The following SLC36A1 variants were observed in gnomAD, a reference collection of about 807,000 sequenced individuals.
SLC36A1 encodes the protein proton-coupled amino acid transporter 1.
In SLC36A1, 30 loss-of-function variants were observed where a neutral mutation model predicts 47.5. That is an observed-to-expected ratio of 0.63 (90% CI 0.47 to 0.86). The LOEUF (loss-of-function observed/expected upper bound fraction) is 0.86, where lower values mean the gene tolerates loss of function less well. Among genes scored for constraint, SLC36A1 ranks in the 40% least tolerant of loss-of-function variants. The pLI, the probability that SLC36A1 is intolerant of heterozygous loss-of-function variation, is 0.00. For synonymous variants in SLC36A1, 255 were observed against 249.7 expected (o/e 1.02, Z -0.20); for missense variants, 517 against 606.0 (o/e 0.85, Z 1.54).
the SLC36A1 span, among the ~76,000 whole-genome samples, chr5:151,519,423 G>A: frequency 6.6e-6 from 1 of 152,136 alleles, no homozygotes; most frequent in Admixed American, 6.5e-5. Flanking sequence ...TTATTGGATG[G>A]GATATTGAAG....
chr5:151,397,558 G>C, the SLC36A1 span, among the ~76,000 whole-genome samples: 1 of 151,976 alleles, frequency 6.6e-6, no homozygotes, highest in Non-Finnish European at 1.5e-5. Flanking sequence ...AGGCCAAGGT[G>C]GGTGTTCAAA....
the SLC36A1 span, chr5:151,550,734 G>C: frequency 6.2e-7 from 1 of 1,614,138 alleles, no homozygotes; most frequent in Non-Finnish European, 8.5e-7. Flanking sequence ...TGAGGCTTTT[G>C]CCCTTGTCTT....
At chr5:151,502,335 T>C in the SLC36A1 span, among the ~76,000 whole-genome samples, 1 of 147,644 alleles carries the variant, frequency 6.8e-6, no homozygotes, top group South Asian at 2.1e-4. Flanking sequence ...TAAAAACCTA[T>C]GCTTTGTAAA....
chr5:151,482,033 A>G (rs975001383), intron 10 of SLC36A1, among the ~76,000 whole-genome samples: 10 of 152,184 alleles, frequency 6.6e-5, no homozygotes, highest in Non-Finnish European at 1.0e-4. Context: ...TCAGTTTGCT[A>G]TGAAAATTTC....
the SLC36A1 span, among the ~76,000 whole-genome samples, chr5:151,517,943 C>T: frequency 6.6e-6 from 1 of 152,162 alleles, no homozygotes; most frequent in Non-Finnish European, 1.5e-5. Context: ...CACGTAGAGC[C>T]AGACAGGAGC....
chr5:151,438,220 G>A (rs754180532), intron 1 of SLC36A1, among the ~76,000 whole-genome samples: 7 of 152,178 alleles, frequency 4.6e-5, no homozygotes, highest in South Asian at 2.1e-4. Flanking sequence ...CTGTGTGCCC[G>A]TTGTTCTGGT....
At chr5:151,510,534 A>AC in the SLC36A1 span, 2 of 184,830 alleles carry the variant, frequency 1.1e-5, no homozygotes, top group Non-Finnish European at 2.3e-5. Context: ...CATCCTCATC[A>AC]GGGGACAGGT....
At chr5:151,400,500 T>C in the SLC36A1 span, among the ~76,000 whole-genome samples, 506 of 152,294 alleles carry the variant, frequency 3.3e-3, 8 homozygotes, top group African/African-American at 0.012. Context: ...TAGAATGATT[T>C]ATTTTCCTCT....
chr5:151,445,001 AG>A (rs975671049), upstream of SLC36A1, among the ~76,000 whole-genome samples: 2 of 151,820 alleles, frequency 1.3e-5, no homozygotes, highest in African/African-American at 4.8e-5. Flanking sequence ...AGAAGTGGTG[AG>A]GGTGGGTATC....
chr5:151,400,045 C>T, the SLC36A1 span, among the ~76,000 whole-genome samples: 1 of 151,986 alleles, frequency 6.6e-6, no homozygotes, highest in Non-Finnish European at 1.5e-5. Flanking sequence ...GGTACATGTG[C>T]AGGTTTGTTA....
At chr5:151,348,589 T>C in the SLC36A1 span, among the ~76,000 whole-genome samples, 1 of 152,260 alleles carries the variant, frequency 6.6e-6, no homozygotes, top group African/African-American at 2.4e-5. Context: ...TCCAAGGTCC[T>C]GTATGCAATT....
chr5:151,515,837 A>G, the SLC36A1 span, among the ~76,000 whole-genome samples: 1 of 152,218 alleles, frequency 6.6e-6, no homozygotes, highest in Admixed American at 6.5e-5. Flanking sequence ...CAAAGAAGCC[A>G]TGATGACCCT....
chr5:151,354,802 C>T, the SLC36A1 span, among the ~76,000 whole-genome samples: 1 of 152,094 alleles, frequency 6.6e-6, no homozygotes, highest in African/African-American at 2.4e-5. Context: ...TCATTGTGAC[C>T]CTAGTGGTCA....
chr5:151,512,164 C>T, the SLC36A1 span: 1 of 1,610,614 alleles, frequency 6.2e-7, no homozygotes, highest in Non-Finnish European at 8.5e-7. This position sits in a 1 kb window ranked among gnomAD's most constrained non-coding sequence, Gnocchi z 4.1. Context: ...CCAGCCCTCA[C>T]CTGCCCCATG....
rs376351989 is a variant in SLC36A1 at position 151,488,203 on chromosome 5, C to T, written c.1380C>T (p.Ile460=). ...CCTATGAGGCTCTCTATGAGCTGAT[C>T]CAGCCAAGCAATGCTCCCATCTTCA... ...VGTYEALYEL[I]QPSNAPIFIN... The change falls in exon 11 of 11, where the codon ATC becomes ATT. Residue 460 remains isoleucine (I), a synonymous_variant. Coordinates refer to ENST00000243389, the MANE Select transcript of SLC36A1 (RefSeq NM_078483.4). 11 of 1,614,172 alleles carry T rather than the reference C, an allele frequency of 6.8e-6. No homozygotes were observed. The highest frequency in any genetic ancestry group is 1.3e-5 in the African/African-American group (1 of 75,042).
At chr5:151,344,998 C>A in the SLC36A1 span, among the ~76,000 whole-genome samples, 1 of 152,134 alleles carries the variant, frequency 6.6e-6, no homozygotes, top group Non-Finnish European at 1.5e-5. Context: ...GGCATCAAGG[C>A]TGGAGAGTGC....
the SLC36A1 span, among the ~76,000 whole-genome samples, chr5:151,548,895 A>G: frequency 9.2e-5 from 14 of 152,218 alleles, no homozygotes; most frequent in Non-Finnish European, 1.9e-4. Context: ...TAGATACTAA[A>G]TCACTGTGGA....
intron 1 of SLC36A1, among the ~76,000 whole-genome samples, chr5:151,437,603 A>G (rs936471964): frequency 3.3e-5 from 5 of 152,128 alleles, no homozygotes; most frequent in African/African-American, 9.7e-5. Flanking sequence ...TTAGGTGAAA[A>G]TTTGTACCTC....
chr5:151,458,971 AT>A lies in SLC36A1; in HGVS notation c.143+38del, dbSNP rs775474077. The A allele has an allele frequency of 1.5e-5, 24 of 1,578,270 alleles. 1 individual carries two copies. In the South Asian group the frequency reaches 2.7e-4, roughly 18 times the overall value. The stretch of plus-strand genomic sequence containing the variant: ...GTTACCTTCTCCTCTCCTGGGTGGG[AT>A]TCGTGTTCCTAAGCCTCCCTTGGAC... On this transcript the variant is annotated intron_variant, in intron 2 of 10. Transcript: ENST00000243389.
Sources: allele counts gnomAD v4.1 joint callset (sites outside exome capture counted in the v4.1 genomes callset), GRCh38; gene constraint gnomAD v4.1.1; non-coding constraint Gnocchi (gnomAD v3.1); transcripts MANE v1.5; gene names NCBI Gene and HGNC (gene_info 2026-07-23, HGNC 2026-07-21).